The following PRC1 variants were observed in gnomAD, a reference collection of about 807,000 sequenced individuals.
The protein encoded by PRC1 is anaphase spindle elongation 1 homolog.
A neutral mutation model predicts 91.2 loss-of-function variants in PRC1; 54 were observed. That is an observed-to-expected ratio of 0.59 (90% CI 0.48 to 0.74). The LOEUF (loss-of-function observed/expected upper bound fraction) is 0.74, where lower values mean the gene tolerates loss of function less well. PRC1 is among the 30% of genes least tolerant of loss of function. The pLI is 0.00. For synonymous variants in PRC1, 275 were observed against 263.6 expected (o/e 1.04, Z -0.42); for missense variants, 727 against 746.2 (o/e 0.97, Z 0.30).
chr15:90,967,174 T>TC lies in PRC1; in HGVS notation c.1819dup (p.Asp607GlyfsTer33), dbSNP rs1358547141. 6.2e-7 allele frequency: 1 copy of TC among 1,614,136 alleles called. No homozygotes were observed. Among genetic ancestry groups the TC allele is most frequent in the South Asian group, 1.1e-5 (1 of 91,090 alleles). On this transcript the variant is annotated frameshift_variant, in exon 15 of 15. Coordinates refer to ENST00000394249, the MANE Select transcript of PRC1 (RefSeq NM_003981.4). LOFTEE classifies it high-confidence loss of function. ...TGAATTGAGGATTCCAGAAGTAGCATCAGATTTGGAAGCCTTTGAAAGTTC... is the reference window on the plus strand; with the variant it reads ...TGAATTGAGGATTCCAGAAGTAGCATCCAGATTTGGAAGCCTTTGAAAGTTC...
intron 11 of PRC1, 152 bp downstream of exon 11, chr15:90,973,974 TTCTTTCTCTA>T: frequency 3.3e-6 from 2 of 608,380 alleles, no homozygotes; most frequent in Non-Finnish European, 5.8e-6. Flanking sequence ...GGGCCCACTG[TTCTTTCTCTA>T]TACTTTGTGT....
chr15:90,974,602 T>C lies in PRC1; in HGVS notation c.1333A>G (p.Arg445Gly). 1.9e-6 allele frequency: 3 copies of C among 1,614,206 alleles called. No individual in the cohort carries two copies. Among genetic ancestry groups the C allele is most frequent in the Non-Finnish European group, 2.5e-6 (3 of 1,180,038 alleles). The change falls in exon 10 of 15, where the codon AGA becomes GGA. Residue 445 changes from arginine (R) to glycine (G), a missense_variant. Coordinates refer to ENST00000394249, the MANE Select transcript of PRC1 (RefSeq NM_003981.4). This position sits in a 1 kb window ranked among gnomAD's most constrained non-coding sequence, Gnocchi z 4.6. ...ACACTTACTCTTTCCTGCTTGGCTCTCTCTTTCTCCAATCGATGCATCTCC... is the reference window on the plus strand; with the variant it reads ...ACACTTACTCTTTCCTGCTTGGCTCCCTCTTTCTCCAATCGATGCATCTCC... ...QWEMHRLEKE[R>G]AKQERQLKNK...
intron 1 of PRC1, among the ~76,000 whole-genome samples, chr15:90,992,263 C>G (rs1313732642): frequency 6.6e-6 from 1 of 152,190 alleles, no homozygotes; most frequent in Non-Finnish European, 1.5e-5. Flanking sequence ...CCATTTAAGA[C>G]TAACTTATTT....
chr15:90,994,475 G>A lies in PRC1; in HGVS notation c.-58C>T, dbSNP rs2040181114. 15 of 1,575,104 alleles carry A rather than the reference G, an allele frequency of 9.5e-6. No homozygotes were observed. The highest frequency in any genetic ancestry group is 5.3e-5 in the Admixed American group (3 of 56,722). ...CCAGACCTACTCCACACGGCCCCGA[G>A]AGCAACAACCACCCGCAAACACCGG... On this transcript the variant is annotated 5_prime_UTR_variant, in exon 1 of 15. Transcript: ENST00000394249.
rs758982517 is a variant in PRC1, at chr15:90,979,289, A to G, written c.976T>C (p.Tyr326His). 6.2e-7 allele frequency: 1 copy of G among 1,612,972 alleles called. No homozygotes were observed. The highest frequency in any genetic ancestry group is 8.5e-7 in the Non-Finnish European group (1 of 1,179,708). The change falls in exon 8 of 15, where the codon TAC (tyrosine) becomes CAC (histidine). Residue 326 changes from tyrosine to histidine, a missense_variant. Physicochemically the swap from Tyr to His is moderately conservative, Grantham distance 83. Coordinates refer to ENST00000394249, the MANE Select transcript of PRC1 (RefSeq NM_003981.4). Reference protein sequence around the residue: ...QAFAPFCAEDYTESLLQLHDA... With the variant: ...QAFAPFCAEDHTESLLQLHDA... ...TGGAGCTGGAGCAGACTTTCTGTGT[A>G]GTCCTCTGCAAAATATAGGCCCAGT...
chr15:90,990,723 C>A (rs2039929706), intron 1 of PRC1, among the ~76,000 whole-genome samples: 1 of 152,020 alleles, frequency 6.6e-6, no homozygotes, highest in Non-Finnish European at 1.5e-5. Flanking sequence ...GTGGATTATA[C>A]CTCAAAGCTG....
At chr15:90,993,033 T>C (rs1369401250) in intron 1 of PRC1, among the ~76,000 whole-genome samples, 23 of 108,680 alleles carry the variant, frequency 2.1e-4, no homozygotes, top group Admixed American at 3.0e-4. Flanking sequence ...ATCTCGCCAC[T>C]ACACTCCAGC....
intron 1 of PRC1, among the ~76,000 whole-genome samples, chr15:90,992,908 T>A (rs2040060126): frequency 6.6e-6 from 1 of 151,820 alleles, no homozygotes; most frequent in Non-Finnish European, 1.5e-5. Context: ...TTTCTTAGCA[T>A]TCCAGAGAAG....
In PRC1 at chr15:90,966,072, A is replaced by G. The variant is rs1222432963; in HGVS notation, c.*1059T>C. 6.6e-6 allele frequency: 1 copy of G among 152,260 alleles called. No homozygotes were observed. Among genetic ancestry groups the G allele is most frequent in the Non-Finnish European group, 1.5e-5 (1 of 68,070 alleles). 9.4% of individuals were successfully genotyped at this position (152,260 alleles called of 1,614,324 possible). ...AATGTAAGTATACAGATTTTAATTTATTTTTAAGAATAATTGTATATTTTA... is the reference window on the plus strand; with the variant it reads ...AATGTAAGTATACAGATTTTAATTTGTTTTTAAGAATAATTGTATATTTTA... On this transcript the variant is annotated 3_prime_UTR_variant, in exon 15 of 15. Transcript: ENST00000394249.
chr15:90,974,848 G>A lies in PRC1; in HGVS notation c.1204-117C>T, dbSNP rs1567187099. 2 of 1,269,860 alleles carry A rather than the reference G, an allele frequency of 1.6e-6. No individual in the cohort carries two copies. The highest frequency in any genetic ancestry group is 1.3e-5 in the South Asian group (1 of 75,598). 78.7% of individuals were successfully genotyped at this position (1,269,860 alleles called of 1,614,324 possible). On this transcript the variant is annotated intron_variant, in intron 9 of 14. Coordinates refer to ENST00000394249, the MANE Select transcript of PRC1 (RefSeq NM_003981.4). This position sits in a 1 kb window ranked among gnomAD's most constrained non-coding sequence, Gnocchi z 4.6. ...CCAGAGCATCATTAGCCTCATTTCA[G>A]GTAGCTGGGCCCACATGGGTACAGG...
At chr15:90,983,175 C>CTGA (rs896893466) in intron 3 of PRC1, among the ~76,000 whole-genome samples, 1 of 152,150 alleles carries the variant, frequency 6.6e-6, no homozygotes, top group African/African-American at 2.4e-5. Flanking sequence ...TCTCTTCTGC[C>CTGA]TGATTGCTCT....
intron 12 of PRC1, 61 bp from the exon 13 acceptor site, chr15:90,969,684 C>T: frequency 6.8e-7 from 1 of 1,476,966 alleles, no homozygotes; most frequent in Non-Finnish European, 9.1e-7. Context: ...CACGCACACA[C>T]AATACCTGCA....
intron 14 of PRC1, 132 bp downstream of exon 14, chr15:90,968,947 A>T: frequency 6.6e-7 from 1 of 1,512,576 alleles, no homozygotes; most frequent in Non-Finnish European, 8.9e-7. Flanking sequence ...TTTTGAGTCC[A>T]TGATAGGAAT....
At chr15:90,969,894 G>A (rs1195742297) in intron 12 of PRC1, among the ~76,000 whole-genome samples, 1 of 151,244 alleles carries the variant, frequency 6.6e-6, no homozygotes, top group African/African-American at 2.4e-5. Flanking sequence ...ACCAGCCTGG[G>A]CAACATAGCA....
chr15:90,968,933 G>T (rs2037795402), intron 14 of PRC1, 146 bp downstream of exon 14: 2 of 1,482,492 alleles, frequency 1.3e-6, no homozygotes, highest in South Asian at 1.3e-5. Flanking sequence ...AATCAGATGT[G>T]TTTTTTTGAG....
At chr15:90,992,982 G>C (rs2040063838) in intron 1 of PRC1, among the ~76,000 whole-genome samples, 1 of 136,486 alleles carries the variant, frequency 7.3e-6, no homozygotes, top group South Asian at 2.5e-4. Context: ...ATTCTGGCCA[G>C]AGTTTCGTTT....
chr15:90,967,258 C>T, intron 14 of PRC1, 56 bp from the exon 15 acceptor site: 2 of 1,456,340 alleles, frequency 1.4e-6, no homozygotes, highest in South Asian at 2.3e-5. Context: ...ACATGGCCCA[C>T]CCTTCTAAGT....
chr15:90,969,595 T>C lies in PRC1; in HGVS notation c.1601A>G (p.Lys534Arg), dbSNP rs1213256454. 6.2e-7 allele frequency: 1 copy of C among 1,609,244 alleles called. No homozygotes were observed. Among genetic ancestry groups the C allele is most frequent in the Admixed American group, 1.7e-5 (1 of 58,646 alleles). The change falls in exon 13 of 15, where the codon AAG becomes AGG. Residue 534 changes from lysine to arginine, a missense_variant. Lys to Arg is a conservative substitution (Grantham distance 26). Coordinates refer to ENST00000394249, the MANE Select transcript of PRC1 (RefSeq NM_003981.4). ...KPVAASTCSG[K>R]KTPRTGRHGA... ...ATGCCTGCCAGTACGGGGTGTTTTC[T>C]TCCCTGAACAGGTGGAAGCAGCGAC...
rs961953134 is a variant in PRC1 at position 90,994,403 on chromosome 15, G to T, written c.11+4C>A. The T allele has an allele frequency of 3.7e-6, 6 of 1,610,944 alleles. No individual in the cohort carries two copies. Among genetic ancestry groups the T allele is most frequent in the Non-Finnish European group, 4.2e-6 (5 of 1,178,748 alleles). Reference sequence around the variant, plus strand: ...CGTCCCCTCGATTTCCCCGCAACCCGCACCTTCTCCTCATGGCGGACGCTC... The same window carrying T: ...CGTCCCCTCGATTTCCCCGCAACCCTCACCTTCTCCTCATGGCGGACGCTC... On this transcript the variant is annotated splice_donor_region_variant and intron_variant, in intron 1 of 14. Transcript: ENST00000394249.
Sources: gnomAD v4.1 joint callset for allele counts (sites outside exome capture counted in the v4.1 genomes callset) on GRCh38, gnomAD v4.1.1 for gene constraint, Gnocchi (gnomAD v3.1) non-coding constraint, MANE v1.5 for transcripts, NCBI Gene and HGNC (gene_info 2026-07-23, HGNC 2026-07-21) for gene names.